The following PLAG1 variants were observed in gnomAD, a reference collection of about 807,000 sequenced individuals.
PLAG1 encodes the protein zinc finger protein PLAG1.
A neutral mutation model predicts 35.5 loss-of-function variants in PLAG1; 7 were observed. The ratio of observed to expected loss-of-function variants is 0.20; its 90% CI spans 0.11 to 0.37. The LOEUF is 0.37. PLAG1 is among the 10% of genes least tolerant of loss of function. PLAG1 has a pLI of 1.00. For synonymous variants in PLAG1, 229 were observed against 225.4 expected (o/e 1.02, Z -0.14); for missense variants, 454 against 602.8 (o/e 0.75, Z 2.58).
intron 1 of PLAG1, among the ~76,000 whole-genome samples, chr8:56,206,363 T>C (rs1171151322): frequency 6.6e-6 from 1 of 152,070 alleles, no homozygotes; most frequent in Non-Finnish European, 1.5e-5. Context: ...AATACTTTTA[T>C]AAAATGTTAT....
chr8:56,202,629 T>A (rs4128541), intron 1 of PLAG1, among the ~76,000 whole-genome samples: 5,980 of 152,314 alleles, frequency 0.039, 226 homozygotes, highest in African/African-American at 0.094. Flanking sequence ...TTTCTCTACT[T>A]TTCCCTGCAC....
rs141248294 is a variant in PLAG1, at chr8:56,162,387, C to A, written c.*3856G>T. 436 of 224,032 alleles carry A rather than the reference C, an allele frequency of 1.9e-3. 9 individuals are homozygous for A. The East Asian group carries it at 0.028, about 14-fold the overall frequency. The allele number at this position is 224,032 out of a possible 1,614,324, so 13.9% of individuals were successfully genotyped here. On this transcript the variant is annotated 3_prime_UTR_variant, in exon 5 of 5. Coordinates refer to ENST00000316981, the MANE Select transcript of PLAG1 (RefSeq NM_002655.3). ...TGTAAAAAAATAAACCATTGTAAAA[C>A]CTTATGAAAAGACACACACTGATTC...
chr8:56,194,624 G>A lies in PLAG1; in HGVS notation c.-321-15111C>T, dbSNP rs146593278. 2.8e-3 allele frequency among the ~76,000 whole-genome samples: 420 copies of A among 151,366 alleles called. 2 individuals carry two copies. The highest frequency in any genetic ancestry group is 9.5e-3 in the African/African-American group (391 of 41,218). On this transcript the variant is annotated intron_variant, in intron 1 of 4. Transcript: ENST00000316981. ...GTATGTGTGTTTGTGTGTGTGTGGCGTGTGTGTGTTTGTGTGTGTGTGGCA... is the reference window on the plus strand; with the variant it reads ...GTATGTGTGTTTGTGTGTGTGTGGCATGTGTGTGTTTGTGTGTGTGTGGCA...
At chr8:56,176,880 A>G (rs1811712068) in intron 2 of PLAG1, among the ~76,000 whole-genome samples, 1 of 152,226 alleles carries the variant, frequency 6.6e-6, no homozygotes, top group Admixed American at 6.5e-5. Flanking sequence ...GAACCTAAAT[A>G]TCTAGAGAAC....
At chr8:56,183,078 G>A (rs1158383551) in intron 1 of PLAG1, among the ~76,000 whole-genome samples, 1 of 152,180 alleles carries the variant, frequency 6.6e-6, no homozygotes, top group Non-Finnish European at 1.5e-5. Flanking sequence ...GCCTTTAAGA[G>A]AAGCACAGGA....
At chr8:56,174,875 G>A (rs753201182) in intron 2 of PLAG1, among the ~76,000 whole-genome samples, 1 of 152,176 alleles carries the variant, frequency 6.6e-6, no homozygotes, top group Non-Finnish European at 1.5e-5. Context: ...AGTATTATAA[G>A]TAATTTAGAG....
intron 1 of PLAG1, among the ~76,000 whole-genome samples, chr8:56,180,927 T>C (rs950063900): frequency 2.0e-5 from 3 of 152,180 alleles, no homozygotes; most frequent in Non-Finnish European, 2.9e-5. Context: ...AAGAAGACAT[T>C]TGAAACATAT....
chr8:56,210,783 G>A (rs1445181269), intron 1 of PLAG1, among the ~76,000 whole-genome samples: 1 of 151,454 alleles, frequency 6.6e-6, no homozygotes, highest in African/African-American at 2.4e-5. Flanking sequence ...AGGAGGAGGA[G>A]GAGGAGGAGG....
At chr8:56,177,456 GGTTT>G (rs1811736195) in intron 2 of PLAG1, among the ~76,000 whole-genome samples, 1 of 152,094 alleles carries the variant, frequency 6.6e-6, no homozygotes, top group Admixed American at 6.5e-5. Flanking sequence ...AATTAGAAGA[GGTTT>G]GTTATCTATA....
chr8:56,208,635 C>G (rs1240037612), intron 1 of PLAG1, among the ~76,000 whole-genome samples: 1 of 152,052 alleles, frequency 6.6e-6, no homozygotes, highest in East Asian at 1.9e-4. Context: ...ATAATAAAAA[C>G]AAGAGGAAAT....
chr8:56,175,035 C>T (rs1179080437), intron 2 of PLAG1, among the ~76,000 whole-genome samples: 1 of 152,106 alleles, frequency 6.6e-6, no homozygotes, highest in Non-Finnish European at 1.5e-5. Context: ...AACTGTGTAT[C>T]TATATTCAAG....
chr8:56,172,804 C>A (rs73594280), intron 2 of PLAG1, among the ~76,000 whole-genome samples: 5,519 of 152,192 alleles, frequency 0.036, 151 homozygotes, highest in African/African-American at 0.078. Context: ...CTGTCACTAT[C>A]CTTAAAAGAT....
At chr8:56,197,234 C>T (rs1403984494) in intron 1 of PLAG1, among the ~76,000 whole-genome samples, 1 of 152,120 alleles carries the variant, frequency 6.6e-6, no homozygotes, top group Admixed American at 6.5e-5. Context: ...TGGTGTCCTG[C>T]CCTCACATCC....
Position 56,166,405 on chromosome 8 carries a change from T to C in PLAG1, c.1341A>G (p.Glu447=). Residue 447 remains glutamate, a synonymous_variant, in exon 5 of 5, where the codon GAA becomes GAG. Coordinates refer to ENST00000316981, the MANE Select transcript of PLAG1 (RefSeq NM_002655.3). ...VGSLGMSYSQ[E]EAHSSVSQLP... Reference sequence around the variant, plus strand: ...GCTGGGAAACAGAAGAATGTGCTTCTTCCTGGGAATAGCTCATTCCAAGGC... The same window carrying C: ...GCTGGGAAACAGAAGAATGTGCTTCCTCCTGGGAATAGCTCATTCCAAGGC... The C allele has an allele frequency of 6.2e-7, 1 of 1,613,688 alleles. No homozygotes were observed.
In PLAG1 at chr8:56,167,087, T is replaced by C. The variant is rs575817613; in HGVS notation, c.659A>G (p.Gln220Arg). ...CAGGTGATCCTTTCGCCCAAATCTC[T>C]GTGCACAATACTGACAGAGGAAGTC... ...RKDFLCQYCA[Q>R]RFGRKDHLTR... is the part of the protein sequence containing the mutation. Residue 220 changes from glutamine to arginine, a missense_variant, in exon 5 of 5, where the codon CAG becomes CGG. Coordinates refer to ENST00000316981, the MANE Select transcript of PLAG1 (RefSeq NM_002655.3). This position sits in a 1 kb window ranked among gnomAD's most constrained non-coding sequence, Gnocchi z 5.9. 2.5e-6 allele frequency: 4 copies of C among 1,614,124 alleles called. No individual in the cohort carries two copies. Among genetic ancestry groups the C allele is most frequent in the Admixed American group, 1.7e-5 (1 of 59,988 alleles).
intron 2 of PLAG1, among the ~76,000 whole-genome samples, chr8:56,172,442 A>C (rs1318738889): frequency 6.6e-6 from 1 of 152,242 alleles, no homozygotes; most frequent in Non-Finnish European, 1.5e-5. Context: ...TTACAAAATA[A>C]TAACATTAAC....
intron 1 of PLAG1, among the ~76,000 whole-genome samples, chr8:56,193,869 C>T (rs1003370128): frequency 9.9e-5 from 15 of 151,882 alleles, no homozygotes; most frequent in African/African-American, 1.7e-4. Context: ...CAGGCACCTG[C>T]TACCACACCT....
intron 2 of PLAG1, among the ~76,000 whole-genome samples, chr8:56,175,278 C>T (rs1185017539): frequency 1.3e-5 from 2 of 152,268 alleles, no homozygotes; most frequent in East Asian, 1.9e-4. Flanking sequence ...GGCTCCCATT[C>T]GTAATAAAAA....
In PLAG1 at chr8:56,164,023, AAAGG is replaced by A. The variant is rs2129223605; in HGVS notation, c.*2216_*2219del. The A allele has an allele frequency of 5.4e-6, 1 of 185,544 alleles. No homozygotes were observed. Among genetic ancestry groups the A allele is most frequent in the East Asian group, 8.7e-5 (1 of 11,434 alleles). The allele number at this position is 185,544 out of a possible 1,614,324, so 11.5% of individuals were successfully genotyped here. On this transcript the variant is annotated 3_prime_UTR_variant, in exon 5 of 5. Transcript: ENST00000316981. ...GTAAGCAATCTGTTTCATAGAAACT[AAAGG>A]AAGCAGTAATGAAGCAGAGCGAAAA...
Sources: allele counts gnomAD v4.1 joint callset (sites outside exome capture counted in the v4.1 genomes callset), GRCh38; gene constraint gnomAD v4.1.1; non-coding constraint Gnocchi (gnomAD v3.1); transcripts MANE v1.5; gene names NCBI Gene and HGNC (gene_info 2026-07-23, HGNC 2026-07-21).